Variants in CNBD2 observed in about 807,000 individuals in gnomAD.
The protein encoded by CNBD2 is cyclic nucleotide-binding domain-containing protein 2.
CNBD2 carries 64 observed loss-of-function variants against 63.7 expected under a neutral mutation model. The ratio of observed to expected loss-of-function variants is 1.00; its 90% confidence interval spans 0.82 to 1.24. The LOEUF (loss-of-function observed/expected upper bound fraction) is 1.24. Ranked by LOEUF, CNBD2 falls within the 50% of genes most tolerant of loss-of-function variation. The pLI, the probability that CNBD2 is intolerant of heterozygous loss-of-function variation, is 0.00. For missense variants in CNBD2, 691 were observed against 713.5 expected, an observed-to-expected ratio of 0.97 and a Z score of 0.36; for synonymous variants, 229 against 255.4, an observed-to-expected ratio of 0.90 and a Z score of 0.99.
chr20:36,026,835 C>T (rs1339228074), intron 11 of CNBD2, among the ~76,000 whole-genome samples: 2 of 152,212 alleles, frequency 1.3e-5, no homozygotes, highest in African/African-American at 4.8e-5. Context: ...CTGTCATTGA[C>T]CGTATCGTGT....
chr20:36,000,204 T>C (rs187984331), intron 8 of CNBD2, among the ~76,000 whole-genome samples: 4 of 152,326 alleles, frequency 2.6e-5, no homozygotes, highest in Admixed American at 2.6e-4. Flanking sequence ...TATTTTATCT[T>C]CATTTTTGAA....
chr20:36,023,342 T>C (rs1366871370), intron 10 of CNBD2, among the ~76,000 whole-genome samples: 1 of 152,066 alleles, frequency 6.6e-6, no homozygotes, highest in Non-Finnish European at 1.5e-5. Context: ...CTGACCAACA[T>C]GGAGAAACCC....
At chr20:35,988,257 C>T (rs936998513) in intron 7 of CNBD2, among the ~76,000 whole-genome samples, 3 of 152,156 alleles carry the variant, frequency 2.0e-5, no homozygotes, top group Non-Finnish European at 4.4e-5. Flanking sequence ...ACCTCTGCCT[C>T]CTGGGTTCAA....
At chr20:36,005,047 A>G (rs2056965650) in intron 8 of CNBD2, among the ~76,000 whole-genome samples, 1 of 152,116 alleles carries the variant, frequency 6.6e-6, no homozygotes, top group African/African-American at 2.4e-5. Flanking sequence ...TACCTTTTAC[A>G]GATATTTTGA....
At chr20:35,967,239 CTTTTTTTTTTTTT>C (rs141881380), upstream of CNBD2, among the ~76,000 whole-genome samples, 4 of 87,010 alleles carry the variant, frequency 4.6e-5, no homozygotes, top group African/African-American at 1.5e-4. Context: ...CCCCCTCCCG[CTTTTTTTTTTTTT>C]TTTTTTTTTT....
At chr20:36,020,087 C>CT (rs527994250) in intron 10 of CNBD2, among the ~76,000 whole-genome samples, 5 of 144,618 alleles carry the variant, frequency 3.5e-5, no homozygotes, top group Non-Finnish European at 3.0e-5. Flanking sequence ...TTTTCTTTTT[C>CT]TTTTTTTTTT....
intron 10 of CNBD2, among the ~76,000 whole-genome samples, chr20:36,017,487 C>T (rs1339617819): frequency 6.6e-6 from 1 of 152,136 alleles, no homozygotes; most frequent in Non-Finnish European, 1.5e-5. Flanking sequence ...GGTCCAGTCC[C>T]TAGCACAGCC....
At position 35,987,510 on chromosome 20, in the gene CNBD2, C is replaced by T; in HGVS notation, c.832C>T (p.Pro278Ser). 3 of 1,614,108 alleles carry T rather than the reference C, an allele frequency of 1.9e-6. No homozygotes were observed. The highest frequency in any genetic ancestry group is 2.5e-6 in the Non-Finnish European group (3 of 1,180,002). ...GATCTCAAAAGATTTTGGAGAGTCA[C>T]CCTTCATCATGTTTATCAGCAAGGT... ...QLISKDFGES[P>S]FIMFISKGSC... is the part of the protein sequence containing the mutation. The change falls in exon 7 of 12, where the codon CCC becomes TCC. Residue 278 changes from proline (P) to serine (S), a missense_variant. Physicochemically the swap from Pro to Ser is moderately conservative, Grantham distance 74 (BLOSUM62 -1). Coordinates refer to ENST00000373973, the MANE Select transcript of CNBD2 (RefSeq NM_001365709.1).
At chr20:35,958,376 G>C (rs142137277), downstream of CNBD2, among the ~76,000 whole-genome samples, 1 of 152,302 alleles carries the variant, frequency 6.6e-6, no homozygotes, top group African/African-American at 2.4e-5. Flanking sequence ...AGGTTGCAGT[G>C]AGCTGAGATC....
intron 10 of CNBD2, among the ~76,000 whole-genome samples, chr20:36,015,439 T>G (rs1032903090): frequency 1.3e-5 from 2 of 152,194 alleles, no homozygotes; most frequent in African/African-American, 4.8e-5. Context: ...AAAAAACCAT[T>G]GCCCAGGCCA....
intron 10 of CNBD2, among the ~76,000 whole-genome samples, chr20:36,011,845 C>T (rs1479926759): frequency 8.5e-5 from 13 of 152,166 alleles, no homozygotes; most frequent in African/African-American, 2.7e-4. Flanking sequence ...TTTCCTTATA[C>T]CAGCAATGAA....
intron 7 of CNBD2, 43 bp from the exon 8 acceptor site, chr20:35,994,995 C>A (rs748392660): frequency 7.2e-7 from 1 of 1,384,942 alleles, no homozygotes; most frequent in Non-Finnish European, 1.0e-6. Context: ...CTACCTGGAG[C>A]CTTAGGGGTT....
At chr20:35,969,840 T>C (rs1395731370) in intron 1 of CNBD2, among the ~76,000 whole-genome samples, 1 of 152,248 alleles carries the variant, frequency 6.6e-6, no homozygotes. Flanking sequence ...AATTCTTCCA[T>C]TGTGAAGTAC....
At chr20:35,954,834 G>A (rs1265073770) in exon 1 of CNBD2, 2 of 322,428 alleles carry the variant, frequency 6.2e-6, no homozygotes, top group Non-Finnish European at 1.3e-5. Flanking sequence ...GGAATGATTA[G>A]GGTGACGGCT....
intron 6 of CNBD2, among the ~76,000 whole-genome samples, chr20:35,986,995 A>G (rs1035788115): frequency 1.3e-5 from 2 of 152,232 alleles, no homozygotes; most frequent in Non-Finnish European, 1.5e-5. Context: ...AGGTAGGGCC[A>G]GAACCGCTAA....
intron 11 of CNBD2, among the ~76,000 whole-genome samples, chr20:36,024,083 C>T (rs994197179): frequency 1.3e-5 from 2 of 152,226 alleles, no homozygotes; most frequent in African/African-American, 4.8e-5. Context: ...CGCCTATAAT[C>T]CCAGCACTTT....
At chr20:36,018,608 C>G (rs189426289) in intron 10 of CNBD2, among the ~76,000 whole-genome samples, 2 of 152,172 alleles carry the variant, frequency 1.3e-5, no homozygotes, top group African/African-American at 4.8e-5. Context: ...ATCGTCCTCA[C>G]CCTTGGGAGT....
intron 10 of CNBD2, among the ~76,000 whole-genome samples, chr20:36,013,806 G>A (rs144854255): frequency 7.4e-4 from 113 of 152,310 alleles, no homozygotes; most frequent in African/African-American, 2.6e-3. Flanking sequence ...AATACTCCAT[G>A]TAGTAATGGA....
intron 11 of CNBD2, among the ~76,000 whole-genome samples, chr20:36,027,174 AATGGAGCTCAT>A (rs2057291828): frequency 1.3e-5 from 2 of 152,218 alleles, no homozygotes; most frequent in African/African-American, 4.8e-5. Flanking sequence ...CTGTTTTCAT[AATGGAGCTCAT>A]ACTTCTTACA....
Sources: allele counts gnomAD v4.1 joint callset (sites outside exome capture counted in the v4.1 genomes callset), GRCh38; gene constraint gnomAD v4.1.1; transcripts MANE v1.5; gene names NCBI Gene and HGNC (gene_info 2026-07-23, HGNC 2026-07-21).